Variants in KIF1A observed in about 807,000 individuals in gnomAD.
KIF1A encodes kinesin-like protein KIF1A.
In KIF1A, 46 loss-of-function variants were observed where a neutral mutation model predicts 227.3. The observed-to-expected ratio is 0.20, with a 90% confidence interval of 0.16 to 0.26. The LOEUF is 0.26. KIF1A is among the 10% of genes least tolerant of loss of function. The probability of loss-of-function intolerance (pLI) is 1.00; values close to 1 mark genes in which losing one functional copy is unlikely to be tolerated. For missense variants in KIF1A, 1,683 were observed against 2,485.9 expected (o/e 0.68, Z 6.87); for synonymous variants, 1,022 against 1,012.8 (o/e 1.01, Z -0.17).
rs772005441 is a variant in KIF1A, at chr2:240,775,894, C to T, written c.915G>A (p.Pro305=). Residue 305 remains proline (P), a synonymous_variant, in exon 11 of 49, where the codon CCG becomes CCA. Coordinates refer to ENST00000498729, the MANE Select transcript of KIF1A (RefSeq NM_001244008.2). This position sits in a 1 kb window ranked among gnomAD's most constrained non-coding sequence, Gnocchi z 5.5. ...NKKKKKTDFI[P]YRDSVLTWLL... is the part of the protein sequence containing the mutation. ...GCCAGGTCAACACGGAATCTCGGTA[C>T]GGAATGAAATCTGTCTTCTTCTTTT... 14 of 1,612,032 alleles carry T rather than the reference C, an allele frequency of 8.7e-6. No individual in the cohort carries two copies. Among genetic ancestry groups the T allele is most frequent in the African/African-American group, 6.7e-5 (5 of 74,910 alleles).
In KIF1A at chr2:240,721,842, G is replaced by C; in HGVS notation, c.4708C>G (p.His1570Asp). Residue 1570 changes from histidine (H) to aspartate (D), a missense_variant, in exon 44 of 49, where the codon CAC becomes GAC. By Grantham distance (81) the His-to-Asp change is moderately conservative. Transcript: ENST00000498729. Reference sequence around the variant, plus strand: ...CTGGCACTGACGCAGACGTGGCTGTGTGTGTACTCTCTGTTGAATGTGTGC... The same window carrying C: ...CTGGCACTGACGCAGACGTGGCTGTCTGTGTACTCTCTGTTGAATGTGTGC... The part of the protein sequence containing the change: ...LTHTFNREYT[H>D]SHVCVSASES... 1 of 1,607,538 alleles carries C rather than the reference G, an allele frequency of 6.2e-7. No individual in the cohort carries two copies. Among genetic ancestry groups the C allele is most frequent in the Non-Finnish European group, 8.5e-7 (1 of 1,179,406 alleles).
At chr2:240,763,810 TG>T (rs759821570) in intron 20 of KIF1A, among the ~76,000 whole-genome samples, 238 of 152,242 alleles carry the variant, frequency 1.6e-3, no homozygotes, top group Non-Finnish European at 2.4e-3. Flanking sequence ...GAAGCAGGGC[TG>T]GGGCAGGTCC....
chr2:240,735,397 C>T (rs1440101780), intron 38 of KIF1A, among the ~76,000 whole-genome samples: 1 of 111,590 alleles, frequency 9.0e-6, no homozygotes, highest in Non-Finnish European at 2.2e-5. Context: ...TGAGCCGCTC[C>T]CTCCTACGTC....
At chr2:240,730,625 G>A (rs748473755) in intron 38 of KIF1A, among the ~76,000 whole-genome samples, 2 of 152,182 alleles carry the variant, frequency 1.3e-5, no homozygotes, top group East Asian at 1.9e-4. Context: ...GACCCTCCTC[G>A]CCCGAAGGGA....
At chr2:240,754,177 G>A (rs529970949) in intron 27 of KIF1A, among the ~76,000 whole-genome samples, 15 of 152,336 alleles carry the variant, frequency 9.8e-5, no homozygotes, top group African/African-American at 3.6e-4. Flanking sequence ...GGGACTGCTG[G>A]GGGTGGGGCC....
At position 240,789,708 on chromosome 2, in the gene KIF1A, G is replaced by A. The variant is rs775203065; in HGVS notation, c.107-396C>T. ...CCCCGCCCCCTGCTCAGGCCTTTATGCTCCGGCTCAGCGTGCACGTGCCCG... is the reference window on the plus strand; with the variant it reads ...CCCCGCCCCCTGCTCAGGCCTTTATACTCCGGCTCAGCGTGCACGTGCCCG... On this transcript the variant is annotated intron_variant, in intron 2 of 48. Transcript: ENST00000498729. The surrounding 1 kb of genome is among the most constrained non-coding windows in gnomAD (Gnocchi z 4.8). Among the ~76,000 whole-genome samples the A allele has an allele frequency of 6.6e-6, 1 of 152,112 alleles. No individual in the cohort carries two copies. Among genetic ancestry groups the A allele is most frequent in the Admixed American group, 6.5e-5 (1 of 15,270 alleles).
At position 240,793,454 on chromosome 2, in the gene KIF1A, C is replaced by T. The variant is rs1259930950; in HGVS notation, c.107-4142G>A. On this transcript the variant is annotated intron_variant, in intron 2 of 48. Transcript: ENST00000498729. The surrounding 1 kb of genome is among the most constrained non-coding windows in gnomAD (Gnocchi z 4.8). ...AACTCACTTCAGGGGCCGCACATGG[C>T]TGAGGGTCCGCGTCCCCAGCCAGCC... is the stretch of plus-strand genomic sequence containing the variant. 6.6e-6 allele frequency among the ~76,000 whole-genome samples: 1 copy of T among 152,334 alleles called. No individual in the cohort carries two copies. The highest frequency in any genetic ancestry group is 2.1e-4 in the South Asian group (1 of 4,826).
intron 27 of KIF1A, among the ~76,000 whole-genome samples, chr2:240,755,785 C>T (rs2125857490): frequency 6.6e-6 from 1 of 152,308 alleles, no homozygotes; most frequent in Non-Finnish European, 1.5e-5. Context: ...GTCCTCATCC[C>T]CCTGTGCGTC....
chr2:240,740,391 G>T lies in KIF1A; in HGVS notation c.3750-27C>A. On this transcript the variant is annotated intron_variant, in intron 35 of 48. Coordinates refer to ENST00000498729, the MANE Select transcript of KIF1A (RefSeq NM_001244008.2). The surrounding 1 kb of genome is among the most constrained non-coding windows in gnomAD (Gnocchi z 6.1). ...TGGAAGAGAGAGACACATGTGAGGA[G>T]CGGCCAGCCCCTCCTCTCTGCCCTC... 1 of 1,602,824 alleles carries T rather than the reference G, an allele frequency of 6.2e-7. No individual in the cohort carries two copies. The highest frequency in any genetic ancestry group is 8.5e-7 in the Non-Finnish European group (1 of 1,170,012).
upstream of KIF1A, among the ~76,000 whole-genome samples, chr2:240,820,607 T>C (rs1315330856): frequency 6.8e-6 from 1 of 147,366 alleles, no homozygotes; most frequent in Non-Finnish European, 1.5e-5. The surrounding 1 kb of genome is among the most constrained non-coding windows in gnomAD (Gnocchi z 6.2). Flanking sequence ...CTGGCCCCTT[T>C]CGAGTGAAAT....
At chr2:240,741,188 CA>C in intron 35 of KIF1A, 80 bp downstream of exon 35, 1 of 933,912 alleles carries the variant, frequency 1.1e-6, no homozygotes, top group Non-Finnish European at 1.6e-6. Flanking sequence ...TGGCAACCCT[CA>C]GGCAGCTCAA....
Position 240,716,134 on chromosome 2 carries a change from T to A in KIF1A, c.*1230A>T, listed in dbSNP as rs1309704876. ...CACCGCAGATGCAGCAGCGAAGAGC[T>A]CCTTGAAGACAATAACCACCAAGCC... On this transcript the variant is annotated 3_prime_UTR_variant, in exon 49 of 49. Coordinates refer to ENST00000498729, the MANE Select transcript of KIF1A (RefSeq NM_001244008.2). 1 of 151,742 alleles carries A rather than the reference T, an allele frequency of 6.6e-6. No individual in the cohort carries two copies. Among genetic ancestry groups the A allele is most frequent in the Non-Finnish European group, 1.5e-5 (1 of 67,954 alleles). The allele number at this position is 151,742 out of a possible 1,614,324, so 9.4% of individuals were successfully genotyped here.
intron 28 of KIF1A, among the ~76,000 whole-genome samples, chr2:240,747,810 C>T (rs540981876): frequency 1.8e-4 from 27 of 152,350 alleles, no homozygotes; most frequent in African/African-American, 5.1e-4. Context: ...CCGGTGCATG[C>T]GCCCACACTC....
At position 240,725,517 on chromosome 2, in the gene KIF1A, T is replaced by G; in HGVS notation, c.4123-113A>C. 1 of 1,192,722 alleles carries G rather than the reference T, an allele frequency of 8.4e-7. No homozygotes were observed. The highest frequency in any genetic ancestry group is 1.2e-6 in the Non-Finnish European group (1 of 851,330). 73.9% of individuals were successfully genotyped at this position (1,192,722 alleles called of 1,614,324 possible). A position where few individuals can be genotyped will look rare whatever the true frequency, so the allele number is the denominator to read the frequency against. ...AGCACCGACAGGCAGCCCCAGGGCCTTCCCAGGGCCTCAGGTGTGGCCTGG... is the reference window on the plus strand; with the variant it reads ...AGCACCGACAGGCAGCCCCAGGGCCGTCCCAGGGCCTCAGGTGTGGCCTGG... On this transcript the variant is annotated intron_variant, in intron 39 of 48. Transcript: ENST00000498729. This position sits in a 1 kb window ranked among gnomAD's most constrained non-coding sequence, Gnocchi z 5.8.
Position 240,757,672 on chromosome 2 carries a change from G to C in KIF1A, c.2583-78C>G. Reference sequence around the variant, plus strand: ...ACGAACAGGGGCCGGGGCCGGGGCTGGGGGGCTTCTGTTTAAAACCAAAAC... The same window carrying C: ...ACGAACAGGGGCCGGGGCCGGGGCTCGGGGGCTTCTGTTTAAAACCAAAAC... On this transcript the variant is annotated intron_variant, in intron 26 of 48. Coordinates refer to ENST00000498729, the MANE Select transcript of KIF1A (RefSeq NM_001244008.2). The surrounding 1 kb of genome is among the most constrained non-coding windows in gnomAD (Gnocchi z 6.2). 2.8e-6 allele frequency: 4 copies of C among 1,447,364 alleles called. No homozygotes were observed. The South Asian group carries it at 4.1e-5, about 15-fold the overall frequency. The allele number at this position is 1,447,364 out of a possible 1,614,324, so 89.7% of individuals were successfully genotyped here.
At chr2:240,749,809 C>T (rs2049012160) in intron 28 of KIF1A, among the ~76,000 whole-genome samples, 1 of 152,202 alleles carries the variant, frequency 6.6e-6, no homozygotes, top group African/African-American at 2.4e-5. Context: ...TCTCCACCTC[C>T]CACAAGGGAG....
chr2:240,773,365 C>T (rs1307223937), intron 12 of KIF1A, 109 bp from the exon 13 acceptor site: 1 of 1,401,202 alleles, frequency 7.1e-7, no homozygotes, highest in African/African-American at 1.4e-5. Context: ...GCTCAGCAGC[C>T]AGGCCAAAGG....
At chr2:240,781,697 C>G (rs2054042243) in intron 10 of KIF1A, 1 of 926,664 alleles carries the variant, frequency 1.1e-6, no homozygotes, top group Non-Finnish European at 1.3e-6. Flanking sequence ...CAGTCCCACG[C>G]AGTGTCCTGT....
chr2:240,786,739 G>GTAT (rs1559529836), intron 5 of KIF1A, among the ~76,000 whole-genome samples: 11 of 32,448 alleles, frequency 3.4e-4, no homozygotes, highest in South Asian at 1.5e-3. Context: ...GGGGCTGCCT[G>GTAT]CTGGGCCCCT....
Sources: allele counts gnomAD v4.1 joint callset (sites outside exome capture counted in the v4.1 genomes callset), GRCh38; gene constraint gnomAD v4.1.1; non-coding constraint Gnocchi (gnomAD v3.1); transcripts MANE v1.5; gene names NCBI Gene and HGNC (gene_info 2026-07-23, HGNC 2026-07-21).